MTMR10: variants seen among roughly 807,000 people sequenced by gnomAD.
MTMR10 encodes the protein myotubularin-related protein 10.
Under a neutral mutation model 88.1 loss-of-function variants are expected in MTMR10, and 56 were observed. That is an observed-to-expected ratio of 0.64 (90% CI 0.51 to 0.79). The LOEUF is 0.79. Ranked by LOEUF, MTMR10 falls within the 30% of genes least tolerant of loss-of-function variation. MTMR10 has a pLI of 0.00. For synonymous variants in MTMR10, 380 were observed against 340.9 expected (o/e 1.11, Z -1.26); for missense variants, 883 against 924.7 (o/e 0.95, Z 0.58).
the MTMR10 span, chr15:30,930,693 A>G: frequency 6.2e-7 from 1 of 1,611,946 alleles, no homozygotes; most frequent in Non-Finnish European, 8.5e-7. Context: ...CAGAATGGAA[A>G]GTCCTGTTGG....
At chr15:30,970,798 A>T (rs577773368) in intron 5 of MTMR10, among the ~76,000 whole-genome samples, 273 of 152,268 alleles carry the variant, frequency 1.8e-3, no homozygotes, top group African/African-American at 6.3e-3. Context: ...ACAATATCAC[A>T]TCAGGTTAGG....
intron 9 of MTMR10, among the ~76,000 whole-genome samples, chr15:30,955,153 A>C (rs2063304663): frequency 6.6e-6 from 1 of 152,114 alleles, no homozygotes; most frequent in Non-Finnish European, 1.5e-5. Flanking sequence ...AGACAGGTAA[A>C]CTTTGTTTCC....
Position 30,939,762 on chromosome 15 carries a change from A to G in MTMR10, c.*1708T>C, listed in dbSNP as rs2062976688. ...ATGAAAAAGGGAGAATTGTGATTACACTGTCAATGGCAGGATACGCTGTGG... is the reference window on the plus strand; with the variant it reads ...ATGAAAAAGGGAGAATTGTGATTACGCTGTCAATGGCAGGATACGCTGTGG... On this transcript the variant is annotated 3_prime_UTR_variant, in exon 16 of 16. Transcript: ENST00000435680. 1 of 985,200 alleles carries G rather than the reference A, an allele frequency of 1.0e-6. No homozygotes were observed. The highest frequency in any genetic ancestry group is 1.2e-6 in the Non-Finnish European group (1 of 829,706). 61.0% of individuals were successfully genotyped at this position (985,200 alleles called of 1,614,324 possible).
chr15:30,968,534 AACACACACACACACACACACACACAC>A (rs61503155), intron 5 of MTMR10, among the ~76,000 whole-genome samples: 1 of 143,074 alleles, frequency 7.0e-6, no homozygotes, highest in Non-Finnish European at 1.5e-5. Flanking sequence ...TCAAAAAAAC[AACACACACACACACACACACACACAC>A]ACACACACAC....
At chr15:30,962,200 T>C (rs547294187) in intron 6 of MTMR10, among the ~76,000 whole-genome samples, 58 of 152,312 alleles carry the variant, frequency 3.8e-4, no homozygotes, top group Non-Finnish European at 6.8e-4. Flanking sequence ...TAATGCTATC[T>C]TCTGGGAGCA....
the MTMR10 span, chr15:30,929,293 G>A: frequency 3.1e-6 from 5 of 1,613,090 alleles, no homozygotes; most frequent in South Asian, 3.3e-5. Context: ...TGATGCCCCC[G>A]AGGAGAGCCT....
chr15:30,921,060 G>C, the MTMR10 span, among the ~76,000 whole-genome samples: 1 of 152,136 alleles, frequency 6.6e-6, no homozygotes, highest in Non-Finnish European at 1.5e-5. Context: ...TGACAGTGGG[G>C]GCCTAAAGTG....
the MTMR10 span, chr15:30,925,689 CTT>C: frequency 7.4e-7 from 1 of 1,345,202 alleles, no homozygotes; most frequent in East Asian, 2.3e-5. Context: ...AAGTGACTGA[CTT>C]TGTGGTAAGG....
chr15:30,961,395 C>T (rs2063400407), intron 6 of MTMR10, among the ~76,000 whole-genome samples: 1 of 152,064 alleles, frequency 6.6e-6, no homozygotes, highest in Admixed American at 6.6e-5. Flanking sequence ...CACCATGCAC[C>T]ATGTCCAGCT....
downstream of MTMR10, among the ~76,000 whole-genome samples, chr15:30,935,255 C>T (rs2062819722): frequency 6.6e-6 from 1 of 151,794 alleles, no homozygotes; most frequent in Admixed American, 6.6e-5. Context: ...CTGCAGTGTG[C>T]TGAGATCATA....
At chr15:30,951,246 C>T (rs1284426609) in intron 12 of MTMR10, among the ~76,000 whole-genome samples, 1 of 152,194 alleles carries the variant, frequency 6.6e-6, no homozygotes, top group Non-Finnish European at 1.5e-5. Flanking sequence ...TTCAGCAGTT[C>T]AGTCTAAATT....
chr15:30,933,834 C>T, the MTMR10 span, among the ~76,000 whole-genome samples: 1 of 151,768 alleles, frequency 6.6e-6, no homozygotes, highest in Non-Finnish European at 1.5e-5. Flanking sequence ...GATCCTGGAT[C>T]GCTGCAGCCT....
In MTMR10 at chr15:30,991,565, C is replaced by T. The variant is rs1216191410; in HGVS notation, c.-59G>A. On this transcript the variant is annotated 5_prime_UTR_variant, in exon 1 of 16. Transcript: ENST00000435680. The stretch of plus-strand genomic sequence containing the variant: ...GGGCCAGTGGCAGCGCCGACGCCTC[C>T]GGGCGTAAAGCTCTCAGTGCGGCCG... The T allele has an allele frequency of 2.0e-6, 3 of 1,519,768 alleles. No individual in the cohort carries two copies. Among genetic ancestry groups the T allele is most frequent in the African/African-American group, 2.9e-5 (2 of 68,430 alleles). 94.1% of individuals were successfully genotyped at this position (1,519,768 alleles called of 1,614,324 possible).
In MTMR10 at chr15:30,969,680, T is replaced by A. The variant is rs575216118; in HGVS notation, c.475-1670A>T. ...ACTAACAATTTTGCTCTCCTGATAA[T>A]CTGCTGTGGTTCCCAGACATCTGCA... On this transcript the variant is annotated intron_variant, in intron 5 of 15. Transcript: ENST00000435680. Among the ~76,000 whole-genome samples, 7 of 152,296 alleles carry A rather than the reference T, an allele frequency of 4.6e-5. No individual in the cohort carries two copies. The South Asian group carries it at 1.4e-3, about 32-fold the overall frequency.
In MTMR10 at chr15:30,960,902, T is replaced by G; in HGVS notation, c.737A>C (p.Glu246Ala). Residue 246 changes from glutamate (E) to alanine (A), a missense_variant, in exon 7 of 16, where the codon GAG becomes GCG. Physicochemically the swap from Glu to Ala is moderately radical, Grantham distance 107. Around this residue, in one of 3 missense-constraint regions of MTMR10, gnomAD observed 414 missense variants for 423.2 expected, o/e 0.98. Coordinates refer to ENST00000435680, the MANE Select transcript of MTMR10 (RefSeq NM_017762.3). ...ASGWRVCSIN[E>A]GYMISTCLPE... ...TTACCAAGTGGATATCATGTAACCCTCGTTAATAGAACAAACTCTCCACCC... is the reference window on the plus strand; with the variant it reads ...TTACCAAGTGGATATCATGTAACCCGCGTTAATAGAACAAACTCTCCACCC... 1 of 1,611,318 alleles carries G rather than the reference T, an allele frequency of 6.2e-7. No homozygotes were observed. Among genetic ancestry groups the G allele is most frequent in the Non-Finnish European group, 8.5e-7 (1 of 1,177,966 alleles).
downstream of MTMR10, among the ~76,000 whole-genome samples, chr15:30,936,224 A>G (rs554792719): frequency 6.6e-6 from 1 of 152,312 alleles, no homozygotes; most frequent in South Asian, 2.1e-4. Flanking sequence ...GAATGCCATG[A>G]AAGAAGTGCA....
chr15:30,991,625 G>T lies in MTMR10; in HGVS notation c.-119C>A. ...TTTCTGCGGCCAGCCGAGCCGGGCG[G>T]ACTGACGGGCGGGGATACGGCGCAG... On this transcript the variant is annotated 5_prime_UTR_variant, in exon 1 of 16. Transcript: ENST00000435680. The T allele has an allele frequency of 7.9e-7, 1 of 1,273,440 alleles. No homozygotes were observed. The highest frequency in any genetic ancestry group is 1.0e-6 in the Non-Finnish European group (1 of 966,024). The allele number at this position is 1,273,440 out of a possible 1,614,324, so 78.9% of individuals were successfully genotyped here. A position where few individuals can be genotyped will look rare whatever the true frequency, so the allele number is the denominator to read the frequency against.
In MTMR10 at chr15:30,939,979, A is replaced by G. The variant is rs184492712; in HGVS notation, c.*1491T>C. The G allele has an allele frequency of 1.4e-3, 1,336 of 981,160 alleles. 1 individual carries two copies. Among genetic ancestry groups the G allele is most frequent in the Non-Finnish European group, 1.5e-3 (1,264 of 826,036 alleles). The allele number at this position is 981,160 out of a possible 1,614,324, so 60.8% of individuals were successfully genotyped here. A position where few individuals can be genotyped will look rare whatever the true frequency, so the allele number is the denominator to read the frequency against. On this transcript the variant is annotated 3_prime_UTR_variant, in exon 16 of 16. Transcript: ENST00000435680. ...CCTGTTATATCCAGAGACATTATCA[A>G]ATTTTAAAAGGCAAATAATTCAAAA...
Position 30,974,349 on chromosome 15 carries a change from G to A in MTMR10, c.439C>T (p.Arg147Cys), listed in dbSNP as rs774195664. Residue 147 changes from arginine to cysteine, a missense_variant, in exon 5 of 16, where the codon CGC becomes TGC. By Grantham distance (180) the Arg-to-Cys change is radical. This residue lies in a region of MTMR10 where 414 missense variants were observed against 423.2 expected (regional missense o/e 0.98). Transcript: ENST00000435680. ...CTTTCGGGACCTGATTCATCAAAGC[G>A]AAATCTGACAATTCTGAAATCTTTA... Reference protein sequence around the residue: ...YCKDFRIVRFRFDESGPESAK... With the variant: ...YCKDFRIVRFCFDESGPESAK... The A allele has an allele frequency of 9.4e-6, 15 of 1,603,510 alleles. No individual in the cohort carries two copies. Among genetic ancestry groups the A allele is most frequent in the East Asian group, 4.5e-5 (2 of 44,634 alleles).
Sources: gnomAD v4.1 joint callset for allele counts (sites outside exome capture counted in the v4.1 genomes callset) on GRCh38, gnomAD v4.1.1 for gene constraint, gnomAD v4.1.1 regional missense constraint, MANE v1.5 for transcripts, NCBI Gene and HGNC (gene_info 2026-07-23, HGNC 2026-07-21) for gene names.